Variants in PTPRN2 observed in about 807,000 individuals in gnomAD.
PTPRN2 encodes protein tyrosine phosphatase receptor type N2.
In PTPRN2, 74 loss-of-function variants were observed where a neutral mutation model predicts 118.8. The ratio of observed to expected loss-of-function variants is 0.62; its 90% CI spans 0.52 to 0.76. The LOEUF (loss-of-function observed/expected upper bound fraction) is 0.76, where lower values mean the gene tolerates loss of function less well. Ranked by LOEUF, PTPRN2 falls within the 30% of genes least tolerant of loss-of-function variation. The pLI, the probability that PTPRN2 is intolerant of heterozygous loss-of-function variation, is 0.00. For missense variants in PTPRN2, 1,481 were observed against 1,394.4 expected (o/e 1.06, Z -0.99); for synonymous variants, 641 against 608.0 (o/e 1.05, Z -0.80).
intron 11 of PTPRN2, among the ~76,000 whole-genome samples, chr7:157,962,339 G>A (rs1001357335): frequency 2.0e-5 from 3 of 147,350 alleles, no homozygotes; most frequent in African/African-American, 5.0e-5. Context: ...CCACCAGCGG[G>A]AGCGTTATTC....
intron 1 of PTPRN2, among the ~76,000 whole-genome samples, chr7:158,571,835 G>A (rs1431161526): frequency 1.3e-5 from 2 of 151,950 alleles, no homozygotes; most frequent in Non-Finnish European, 2.9e-5. Flanking sequence ...AAATATCCAC[G>A]GAATAAAATG....
intron 2 of PTPRN2, among the ~76,000 whole-genome samples, chr7:158,402,609 T>G (rs1363843338): frequency 6.6e-6 from 1 of 152,190 alleles, no homozygotes; most frequent in East Asian, 1.9e-4. Context: ...TGCAGAGTCA[T>G]CGATGAGTCT....
At chr7:157,960,237 T>G (rs1016371793) in intron 11 of PTPRN2, among the ~76,000 whole-genome samples, 2 of 152,038 alleles carry the variant, frequency 1.3e-5, no homozygotes, top group African/African-American at 4.8e-5. Context: ...AATGAACAAG[T>G]TTTGGAGATG....
chr7:157,778,863 C>A (rs1409218453), intron 12 of PTPRN2, among the ~76,000 whole-genome samples: 1 of 152,226 alleles, frequency 6.6e-6, no homozygotes, highest in African/African-American at 2.4e-5. Context: ...CGCTGAATGC[C>A]CACATATGCA....
At chr7:158,296,869 G>A (rs1041214147) in intron 3 of PTPRN2, among the ~76,000 whole-genome samples, 2 of 152,242 alleles carry the variant, frequency 1.3e-5, no homozygotes, top group African/African-American at 4.8e-5. Context: ...AGAGGCACAT[G>A]GCCACCTGGC....
Position 157,784,752 on chromosome 7 carries a change from A to G in PTPRN2, c.1789-101815T>C, listed in dbSNP as rs1803916447. Among the ~76,000 whole-genome samples, 1 of 151,874 alleles carries G rather than the reference A, an allele frequency of 6.6e-6. No homozygotes were observed. Among genetic ancestry groups the G allele is most frequent in the South Asian group, 2.1e-4 (1 of 4,806 alleles). On this transcript the variant is annotated intron_variant, in intron 12 of 22. Transcript: ENST00000389418. This position sits in a 1 kb window ranked among gnomAD's most constrained non-coding sequence, Gnocchi z 4.6. ...AACCGAGGGCCCCCTGGGTCTCGAC[A>G]TTTCACCGCAAACCCTGACCCCACA... is the stretch of plus-strand genomic sequence containing the variant.
intron 2 of PTPRN2, among the ~76,000 whole-genome samples, chr7:158,452,701 G>A (rs1034599661): frequency 3.7e-4 from 57 of 152,222 alleles, no homozygotes; most frequent in African/African-American, 1.3e-3. Context: ...TGAGGAGGGA[G>A]ACACAAAGGA....
chr7:158,138,047 C>T (rs1315350914), intron 7 of PTPRN2, among the ~76,000 whole-genome samples: 1 of 152,222 alleles, frequency 6.6e-6, no homozygotes, highest in Non-Finnish European at 1.5e-5. Context: ...TCAGCCTCAG[C>T]ATGGAGGAGT....
At chr7:157,640,671 C>T (rs532003763) in intron 14 of PTPRN2, among the ~76,000 whole-genome samples, 5 of 152,226 alleles carry the variant, frequency 3.3e-5, no homozygotes, top group East Asian at 1.9e-4. Flanking sequence ...TCAGACATAG[C>T]GATCAGGAAG....
At chr7:158,309,157 G>T (rs7811982) in intron 3 of PTPRN2, among the ~76,000 whole-genome samples, 142,643 of 152,218 alleles carry the variant, frequency 0.94, 66,902 homozygotes, top group Non-Finnish European at 0.96. Context: ...TCAACCTGAT[G>T]GGATTGAAGG....
At chr7:157,637,504 G>A (rs929958661) in intron 14 of PTPRN2, among the ~76,000 whole-genome samples, 18 of 152,122 alleles carry the variant, frequency 1.2e-4, no homozygotes, top group Non-Finnish European at 2.2e-4. Context: ...TTCAAAAGCC[G>A]TTTCGTATCA....
chr7:158,012,124 T>A (rs1177917363), intron 11 of PTPRN2, among the ~76,000 whole-genome samples: 1 of 152,214 alleles, frequency 6.6e-6, no homozygotes, highest in African/African-American at 2.4e-5. Context: ...TCCCACTCCT[T>A]GGCTGAGAGA....
chr7:158,006,923 A>G (rs1805667771), intron 11 of PTPRN2, among the ~76,000 whole-genome samples: 1 of 152,118 alleles, frequency 6.6e-6, no homozygotes, highest in Admixed American at 6.5e-5. Flanking sequence ...GAAGCCTGCT[A>G]GTCTCCCTAG....
chr7:158,129,382 C>G (rs1332124955), intron 9 of PTPRN2, among the ~76,000 whole-genome samples: 2 of 151,304 alleles, frequency 1.3e-5, no homozygotes, highest in African/African-American at 4.9e-5. Flanking sequence ...ACAAACAACA[C>G]ACACCACACA....
chr7:158,345,279 C>A (rs187759568), intron 2 of PTPRN2, among the ~76,000 whole-genome samples: 18 of 152,296 alleles, frequency 1.2e-4, no homozygotes, highest in Middle Eastern at 3.4e-3. Context: ...GTCTCCTGGC[C>A]AACGGGAAGA....
chr7:158,247,594 G>A (rs546016084), intron 3 of PTPRN2, among the ~76,000 whole-genome samples: 19 of 151,720 alleles, frequency 1.3e-4, no homozygotes, highest in African/African-American at 4.4e-4. Context: ...CACAGCAAAG[G>A]GGACTTGGGT....
At chr7:158,244,994 G>T (rs1415519791) in intron 3 of PTPRN2, among the ~76,000 whole-genome samples, 1 of 152,248 alleles carries the variant, frequency 6.6e-6, no homozygotes, top group African/African-American at 2.4e-5. Context: ...CCTGCTCCCT[G>T]GCTGTGTCAT....
chr7:157,850,328 T>TG (rs58626953), intron 12 of PTPRN2, among the ~76,000 whole-genome samples: 90,745 of 136,772 alleles, frequency 0.66, 30,416 homozygotes, highest in East Asian at 0.93. Flanking sequence ...ATTTCCGACG[T>TG]GGGTGCCTCA....
intron 12 of PTPRN2, among the ~76,000 whole-genome samples, chr7:157,850,185 T>C (rs570633871): frequency 3.9e-5 from 6 of 152,286 alleles, no homozygotes; most frequent in East Asian, 3.9e-4. Flanking sequence ...TTTGAGGAAC[T>C]GGGGAGAAAC....
Sources: allele counts gnomAD v4.1 joint callset (sites outside exome capture counted in the v4.1 genomes callset), GRCh38; gene constraint gnomAD v4.1.1; non-coding constraint Gnocchi (gnomAD v3.1); transcripts MANE v1.5; gene names NCBI Gene and HGNC (gene_info 2026-07-23, HGNC 2026-07-21).